ATAD2: variants seen among roughly 807,000 people sequenced by gnomAD.
ATAD2 encodes ATPase family AAA domain-containing protein 2.
A neutral mutation model predicts 168.9 loss-of-function variants in ATAD2; 62 were observed. The observed-to-expected ratio is 0.37, with a 90% confidence interval of 0.30 to 0.45. The LOEUF is 0.45. Among genes scored for constraint, ATAD2 ranks in the 20% least tolerant of loss-of-function variants. ATAD2 has a pLI of 1.00. For synonymous variants in ATAD2, 613 were observed against 571.6 expected (o/e 1.07, Z -1.03); for missense variants, 1,419 against 1,667.8 (o/e 0.85, Z 2.60).
chr8:123,389,094 G>A (rs1829731028), intron 1 of ATAD2, among the ~76,000 whole-genome samples: 1 of 148,886 alleles, frequency 6.7e-6, no homozygotes. Flanking sequence ...GGCCTCTAAA[G>A]TAGCTGGGAT....
chr8:123,328,418 CATT>C lies in ATAD2; in HGVS notation c.3637_3639del (p.Asn1213del), dbSNP rs1827674090. The C allele has an allele frequency of 1.2e-6, 2 of 1,608,398 alleles. No individual in the cohort carries two copies. Among genetic ancestry groups the C allele is most frequent in the Non-Finnish European group, 1.7e-6 (2 of 1,178,046 alleles). ...GAAGACTCTCCTGTGTTTCCGGTCTCATTATGATCTACACTTGTGTCTTGAGTT... is the reference window on the plus strand; with the variant it reads ...GAAGACTCTCCTGTGTTTCCGGTCTCATGATCTACACTTGTGTCTTGAGTT... On this transcript the variant is annotated inframe_deletion, in exon 25 of 28. Coordinates refer to ENST00000287394, the MANE Select transcript of ATAD2 (RefSeq NM_014109.4).
intron 2 of ATAD2, among the ~76,000 whole-genome samples, chr8:123,377,675 C>T (rs562829765): frequency 6.6e-6 from 1 of 152,160 alleles, no homozygotes; most frequent in South Asian, 2.1e-4. Context: ...TGTTGTGTAC[C>T]ATAATTGCTA....
intron 2 of ATAD2, among the ~76,000 whole-genome samples, chr8:123,378,389 A>G (rs1364119321): frequency 6.6e-6 from 1 of 152,226 alleles, no homozygotes; most frequent in African/African-American, 2.4e-5. Context: ...TCTAGAAAAT[A>G]TGGTATACAA....
chr8:123,403,749 G>A (rs938014548), intron 1 of ATAD2, among the ~76,000 whole-genome samples: 2 of 152,206 alleles, frequency 1.3e-5, no homozygotes, highest in African/African-American at 4.8e-5. Context: ...GCACTGTCCT[G>A]GTGAGAGAAG....
chr8:123,338,630 T>C (rs1230027840), intron 20 of ATAD2, among the ~76,000 whole-genome samples: 2 of 152,202 alleles, frequency 1.3e-5, no homozygotes, highest in African/African-American at 4.8e-5. Flanking sequence ...TGTGATGCCA[T>C]ATTAGTAGTA....
At position 123,337,594 on chromosome 8, in the gene ATAD2, A is replaced by G. The variant is rs755492761; in HGVS notation, c.3051+31T>C. ...TTGATTGTGAAGCATTATGGCCTAGAATACACTTGATCCAAAGATTAAACT... is the reference window on the plus strand; with the variant it reads ...TTGATTGTGAAGCATTATGGCCTAGGATACACTTGATCCAAAGATTAAACT... On this transcript the variant is annotated intron_variant, in intron 21 of 27. Coordinates refer to ENST00000287394, the MANE Select transcript of ATAD2 (RefSeq NM_014109.4). The G allele has an allele frequency of 1.7e-5, 27 of 1,546,524 alleles. No homozygotes were observed. The Admixed American group carries it at 5.1e-4, about 29-fold the overall frequency.
intron 19 of ATAD2, among the ~76,000 whole-genome samples, chr8:123,340,269 A>C (rs1180775532): frequency 3.3e-5 from 5 of 152,208 alleles, no homozygotes; most frequent in African/African-American, 1.2e-4. Context: ...GCAACTGTTC[A>C]AAAATAAAAA....
In ATAD2 at chr8:123,387,732, T is replaced by C. The variant is rs79359113; in HGVS notation, c.172-7055A>G. Among the ~76,000 whole-genome samples the C allele has an allele frequency of 2.7e-3, 406 of 152,280 alleles. 2 individuals carry two copies. Among genetic ancestry groups the C allele is most frequent in the African/African-American group, 9.3e-3 (388 of 41,570 alleles). Reference sequence around the variant, plus strand: ...ACCTTGCAGAATCAGTAAGTTAACATAGAGAAAAAGCAGCAATAAAATAAC... The same window carrying C: ...ACCTTGCAGAATCAGTAAGTTAACACAGAGAAAAAGCAGCAATAAAATAAC... On this transcript the variant is annotated intron_variant, in intron 1 of 27. Coordinates refer to ENST00000287394, the MANE Select transcript of ATAD2 (RefSeq NM_014109.4).
intron 2 of ATAD2, among the ~76,000 whole-genome samples, chr8:123,372,953 C>T (rs1001920929): frequency 3.4e-5 from 5 of 149,206 alleles, no homozygotes; most frequent in African/African-American, 5.0e-5. Context: ...AGTGCAGTGG[C>T]GCGATCTCGG....
chr8:123,394,833 C>T (rs1812755039), intron 1 of ATAD2, among the ~76,000 whole-genome samples: 3 of 152,140 alleles, frequency 2.0e-5, no homozygotes, highest in Admixed American at 2.0e-4. Flanking sequence ...CAATTCCTGG[C>T]AGATGACTGA....
chr8:123,349,077 A>C (rs929963246), intron 14 of ATAD2, among the ~76,000 whole-genome samples: 3 of 152,204 alleles, frequency 2.0e-5, no homozygotes, highest in Non-Finnish European at 4.4e-5. Flanking sequence ...GCTACACTCA[A>C]ATTGAAATAA....
At chr8:123,399,260 CAA>C (rs71573678), upstream of ATAD2, among the ~76,000 whole-genome samples, 1 of 108,388 alleles carries the variant, frequency 9.2e-6, no homozygotes. Context: ...GACTCCGTCT[CAA>C]AAAAAAAAAA....
At chr8:123,341,946 C>T (rs1738143985) in intron 19 of ATAD2, among the ~76,000 whole-genome samples, 1 of 152,080 alleles carries the variant, frequency 6.6e-6, no homozygotes, top group Non-Finnish European at 1.5e-5. Context: ...ATTAGCTGGG[C>T]ATGGTGGCGG....
intron 1 of ATAD2, among the ~76,000 whole-genome samples, chr8:123,410,278 A>G (rs1563873739): frequency 7.7e-6 from 1 of 130,182 alleles, no homozygotes; most frequent in Non-Finnish European, 1.7e-5. Context: ...TTGTAGGATC[A>G]TATTATTTAT....
At chr8:123,334,593 CA>C (rs1827863315) in intron 22 of ATAD2, among the ~76,000 whole-genome samples, 2 of 151,814 alleles carry the variant, frequency 1.3e-5, no homozygotes, top group Non-Finnish European at 1.5e-5. Flanking sequence ...AAAAAGGAAT[CA>C]ATCAATAGCA....
chr8:123,353,066 C>CA (rs1346753554), intron 13 of ATAD2, among the ~76,000 whole-genome samples: 2 of 149,040 alleles, frequency 1.3e-5, no homozygotes, highest in Non-Finnish European at 3.0e-5. Context: ...GATTCTGTCT[C>CA]AAAAAACAAA....
At chr8:123,348,453 G>A (rs1324072032) in intron 14 of ATAD2, among the ~76,000 whole-genome samples, 180 bp from the exon 15 acceptor site, 2 of 152,152 alleles carry the variant, frequency 1.3e-5, no homozygotes, top group African/African-American at 2.4e-5. Flanking sequence ...GAGGCAGGTG[G>A]ATCACTTGAG....
At position 123,357,552 on chromosome 8, in the gene ATAD2, A is replaced by G; in HGVS notation, c.1557+10T>C. 2.5e-6 allele frequency: 4 copies of G among 1,604,702 alleles called. No homozygotes were observed. The highest frequency in any genetic ancestry group is 3.4e-6 in the Non-Finnish European group (4 of 1,176,406). ...GAACTATCCAGATATATAAAATGTT[A>G]ATATCATACCTGATCAAACAGCAAT... On this transcript the variant is annotated intron_variant, in intron 12 of 27. Transcript: ENST00000287394.
At chr8:123,365,390 A>G (rs1364214457) in intron 8 of ATAD2, among the ~76,000 whole-genome samples, 2 of 152,192 alleles carry the variant, frequency 1.3e-5, no homozygotes, top group Non-Finnish European at 2.9e-5. Flanking sequence ...ATTCCCATCA[A>G]AATACCAGCT....
Sources: allele counts gnomAD v4.1 joint callset (sites outside exome capture counted in the v4.1 genomes callset), GRCh38; gene constraint gnomAD v4.1.1; transcripts MANE v1.5; gene names NCBI Gene and HGNC (gene_info 2026-07-23, HGNC 2026-07-21).